Variants in CERS6 observed in about 807,000 individuals in gnomAD.
CERS6 encodes the protein ceramide synthase 6.
A neutral mutation model predicts 56.8 loss-of-function variants in CERS6; 26 were observed. The observed-to-expected ratio is 0.46, with a 90% CI of 0.34 to 0.63. The LOEUF (loss-of-function observed/expected upper bound fraction) is 0.63, where lower values mean the gene tolerates loss of function less well. CERS6 is among the 30% of genes least tolerant of loss of function. The pLI, the probability that CERS6 is intolerant of heterozygous loss-of-function variation, is 0.01. For missense variants in CERS6, 415 were observed against 467.5 expected (o/e 0.89, Z 1.04); for synonymous variants, 164 against 173.3 (o/e 0.95, Z 0.42).
chr2:168,764,933 G>A (rs186882098), intron 8 of CERS6, among the ~76,000 whole-genome samples: 1 of 152,312 alleles, frequency 6.6e-6, no homozygotes, highest in African/African-American at 2.4e-5. Flanking sequence ...GTTCATAGTA[G>A]CATTATTTGC....
At chr2:168,576,063 A>G (rs1227394835) in intron 3 of CERS6, among the ~76,000 whole-genome samples, 1 of 152,132 alleles carries the variant, frequency 6.6e-6, no homozygotes, top group Non-Finnish European at 1.5e-5. Context: ...AGAGTTAGGT[A>G]AGTCTCTCCT....
chr2:168,563,775 C>A (rs1030398083), intron 3 of CERS6, among the ~76,000 whole-genome samples: 1 of 152,012 alleles, frequency 6.6e-6, no homozygotes. Flanking sequence ...CCAGCTTGGG[C>A]GACAGAGCAA....
intron 8 of CERS6, among the ~76,000 whole-genome samples, chr2:168,747,184 G>T (rs1684132952): frequency 6.6e-6 from 1 of 152,058 alleles, no homozygotes; most frequent in Non-Finnish European, 1.5e-5. Flanking sequence ...TACTCAGGAG[G>T]CTGAGGTTGG....
At chr2:168,549,813 G>A (rs1448600322) in intron 2 of CERS6, among the ~76,000 whole-genome samples, 4 of 152,190 alleles carry the variant, frequency 2.6e-5, no homozygotes, top group African/African-American at 7.2e-5. Context: ...GTAGTTCTCC[G>A]GTCTTAATTG....
chr2:168,765,562 A>G lies in CERS6; in HGVS notation c.846-30A>G, dbSNP rs767673393. On this transcript the variant is annotated intron_variant, in intron 8 of 9. Coordinates refer to ENST00000305747, the MANE Select transcript of CERS6 (RefSeq NM_203463.3). The stretch of plus-strand genomic sequence containing the variant: ...CTTGGAAAGCAAAGGAAAATGCCAC[A>G]TTCACTAATCACCTCCTTCTTTTCC... The G allele has an allele frequency of 3.7e-6, 6 of 1,606,164 alleles. No homozygotes were observed. The African/African-American group carries it at 8.0e-5, about 22-fold the overall frequency.
chr2:168,478,749 C>T (rs1467153644), intron 1 of CERS6, among the ~76,000 whole-genome samples: 1 of 152,144 alleles, frequency 6.6e-6, no homozygotes, highest in Non-Finnish European at 1.5e-5. Context: ...AATCAGTTAC[C>T]CTGGCCCTTC....
intron 3 of CERS6, among the ~76,000 whole-genome samples, chr2:168,580,091 C>A (rs966326174): frequency 1.2e-4 from 19 of 152,140 alleles, no homozygotes; most frequent in African/African-American, 4.6e-4. Flanking sequence ...TTTAGTTTTG[C>A]CTATTTAAAA....
At chr2:168,480,796 A>T (rs1353953615) in intron 1 of CERS6, among the ~76,000 whole-genome samples, 1 of 152,174 alleles carries the variant, frequency 6.6e-6, no homozygotes, top group Non-Finnish European at 1.5e-5. Flanking sequence ...AGAACTGGGG[A>T]AAGTTATGTG....
At chr2:168,617,484 G>A (rs747982284) in intron 3 of CERS6, among the ~76,000 whole-genome samples, 34 of 152,094 alleles carry the variant, frequency 2.2e-4, no homozygotes, top group Non-Finnish European at 4.4e-4. Flanking sequence ...TAGACCATTA[G>A]CAAGATTAAC....
chr2:168,472,212 G>C (rs907048099), intron 1 of CERS6, among the ~76,000 whole-genome samples: 3 of 152,134 alleles, frequency 2.0e-5, no homozygotes, highest in Admixed American at 1.3e-4. Context: ...TATTCTCCCT[G>C]TATAGCATTC....
chr2:168,720,131 T>C (rs1201374851), intron 8 of CERS6, among the ~76,000 whole-genome samples: 2 of 151,468 alleles, frequency 1.3e-5, no homozygotes, highest in Admixed American at 6.6e-5. Context: ...GGTTTCACCA[T>C]GTTGGCCAAG....
intron 8 of CERS6, among the ~76,000 whole-genome samples, chr2:168,720,965 T>C (rs1408492024): frequency 2.0e-5 from 3 of 152,218 alleles, no homozygotes; most frequent in African/African-American, 7.2e-5. Flanking sequence ...TGGCCAGTGA[T>C]GGACCACATA....
chr2:168,528,461 T>C (rs973939187), intron 1 of CERS6, among the ~76,000 whole-genome samples: 2 of 152,196 alleles, frequency 1.3e-5, no homozygotes, highest in African/African-American at 4.8e-5. Context: ...CTTTTAGTAC[T>C]CTAATATCAA....
At chr2:168,575,653 C>T (rs1479624286) in intron 3 of CERS6, among the ~76,000 whole-genome samples, 1 of 152,192 alleles carries the variant, frequency 6.6e-6, no homozygotes, top group African/African-American at 2.4e-5. Context: ...TATAGTAGCA[C>T]TGTGATTGCC....
chr2:168,542,513 G>A (rs1200029600), intron 1 of CERS6, among the ~76,000 whole-genome samples: 4 of 152,128 alleles, frequency 2.6e-5, no homozygotes, highest in African/African-American at 9.7e-5. Context: ...AACTATTTTT[G>A]GAAAGCATAG....
intron 6 of CERS6, among the ~76,000 whole-genome samples, chr2:168,698,866 A>G (rs1433548019): frequency 2.0e-5 from 3 of 152,150 alleles, no homozygotes; most frequent in Non-Finnish European, 4.4e-5. Context: ...AATCGATTGT[A>G]TATTTTTTGC....
At chr2:168,578,781 C>T (rs1683339102) in intron 3 of CERS6, among the ~76,000 whole-genome samples, 1 of 151,982 alleles carries the variant, frequency 6.6e-6, no homozygotes, top group Admixed American at 6.6e-5. Context: ...CAAATAAAAA[C>T]CGTAAGGGAT....
chr2:168,639,021 CT>C, intron 4 of CERS6, among the ~76,000 whole-genome samples: 1 of 152,026 alleles, frequency 6.6e-6, no homozygotes, highest in Non-Finnish European at 1.5e-5. Flanking sequence ...AACATAGCAA[CT>C]TTGTAGAAAC....
chr2:168,533,197 C>T (rs1695198302), intron 1 of CERS6, among the ~76,000 whole-genome samples: 1 of 152,180 alleles, frequency 6.6e-6, no homozygotes, highest in African/African-American at 2.4e-5. Flanking sequence ...GAATGTTCAT[C>T]AGGGATATTG....
Sources: gnomAD v4.1 joint callset for allele counts (sites outside exome capture counted in the v4.1 genomes callset) on GRCh38, gnomAD v4.1.1 for gene constraint, MANE v1.5 for transcripts, NCBI Gene and HGNC (gene_info 2026-07-23, HGNC 2026-07-21) for gene names.